The following PDE4D variants were observed in gnomAD, a reference collection of about 807,000 sequenced individuals.
PDE4D encodes the protein phosphodiesterase 4D, also known as 3',5'-cyclic-AMP phosphodiesterase 4D.
Under a neutral mutation model 87.4 loss-of-function variants are expected in PDE4D, and 24 were observed. That is an observed-to-expected ratio of 0.27 (90% CI 0.20 to 0.39). The LOEUF is 0.39. PDE4D is among the 10% of genes least tolerant of loss of function. The pLI is 1.00. For synonymous variants in PDE4D, 384 were observed against 383.2 expected, an observed-to-expected ratio of 1.00 and a Z score of -0.02; for missense variants, 714 against 1,041.0, an observed-to-expected ratio of 0.69 and a Z score of 4.32.
chr5:59,708,843 G>T (rs894587214), intron 1 of PDE4D, among the ~76,000 whole-genome samples: 9 of 151,482 alleles, frequency 5.9e-5, no homozygotes, highest in African/African-American at 1.7e-4. Context: ...TACTTAGGAC[G>T]TGAAAGTCAC....
chr5:59,534,825 G>T (rs1265386232), intron 1 of PDE4D, among the ~76,000 whole-genome samples: 3 of 152,180 alleles, frequency 2.0e-5, no homozygotes, highest in Non-Finnish European at 4.4e-5. Context: ...AGGAAATTCT[G>T]GCAATTTCTA....
intron 5 of PDE4D, among the ~76,000 whole-genome samples, chr5:59,069,124 C>A (rs1418597539): frequency 6.6e-6 from 1 of 152,150 alleles, no homozygotes; most frequent in Non-Finnish European, 1.5e-5. Context: ...TCTAAATAAT[C>A]CGTTAGACCT....
chr5:59,949,978 TA>T (rs1021601886), intron 3 of PDE4D, among the ~76,000 whole-genome samples: 13 of 152,342 alleles, frequency 8.5e-5, no homozygotes, highest in Non-Finnish European at 1.6e-4. Flanking sequence ...AATAAGCATT[TA>T]AACCTATTTT....
At chr5:60,163,635 G>T (rs936969561) in intron 2 of PDE4D, among the ~76,000 whole-genome samples, 1 of 152,086 alleles carries the variant, frequency 6.6e-6, no homozygotes. Context: ...CTCAGTTGTA[G>T]CACTGCTCTG....
intron 1 of PDE4D, among the ~76,000 whole-genome samples, chr5:59,645,932 ACT>A (rs1450494275): frequency 2.6e-5 from 4 of 152,224 alleles, no homozygotes; most frequent in African/African-American, 7.2e-5. Flanking sequence ...TAGAGAAAAG[ACT>A]GCATTATCTT....
upstream of PDE4D, among the ~76,000 whole-genome samples, chr5:59,898,125 G>T (rs887790965): frequency 6.6e-6 from 1 of 152,136 alleles, no homozygotes; most frequent in Non-Finnish European, 1.5e-5. Flanking sequence ...ACTAAGAAAT[G>T]CTGTACTTGA....
intron 1 of PDE4D, among the ~76,000 whole-genome samples, chr5:59,819,671 C>T (rs1312829162): frequency 6.6e-6 from 1 of 152,154 alleles, no homozygotes; most frequent in African/African-American, 2.4e-5. Context: ...AATGTGATTA[C>T]ACCGTGAGTC....
At chr5:59,841,834 G>T (rs1245719080) in intron 1 of PDE4D, among the ~76,000 whole-genome samples, 1 of 152,038 alleles carries the variant, frequency 6.6e-6, no homozygotes, top group Non-Finnish European at 1.5e-5. Flanking sequence ...AGAGATTGTA[G>T]TGCAGAGAGC....
chr5:59,294,724 CTCTT>C (rs1768722975), intron 1 of PDE4D, among the ~76,000 whole-genome samples: 2 of 152,300 alleles, frequency 1.3e-5, no homozygotes, highest in African/African-American at 4.8e-5. Flanking sequence ...AAGACTGTCT[CTCTT>C]TTGTTCAATC....
intron 1 of PDE4D, among the ~76,000 whole-genome samples, chr5:60,328,760 T>C (rs79837063): frequency 6.6e-6 from 1 of 152,194 alleles, no homozygotes; most frequent in African/African-American, 2.4e-5. Flanking sequence ...CCCCAGAATA[T>C]GCCATTTTGG....
At chr5:59,009,953 C>T (rs937453525) in intron 6 of PDE4D, among the ~76,000 whole-genome samples, 1 of 152,070 alleles carries the variant, frequency 6.6e-6, no homozygotes, top group African/African-American at 2.4e-5. Context: ...CCATTATTTC[C>T]CAGAAAACAG....
intron 1 of PDE4D, among the ~76,000 whole-genome samples, chr5:60,268,749 T>C (rs552441046): frequency 1.2e-4 from 18 of 152,336 alleles, no homozygotes; most frequent in African/African-American, 4.1e-4. Flanking sequence ...TTTGTGTCTA[T>C]GGGCAGATGT....
chr5:59,876,833 T>A (rs76296302), intron 1 of PDE4D, among the ~76,000 whole-genome samples: 1,966 of 152,236 alleles, frequency 0.013, 27 homozygotes, highest in Admixed American at 0.021. Context: ...GAAGTTTTTA[T>A]CTCATAGAAA....
chr5:59,581,672 C>T (rs1824180623), intron 1 of PDE4D, among the ~76,000 whole-genome samples: 1 of 152,102 alleles, frequency 6.6e-6, no homozygotes, highest in Admixed American at 6.6e-5. Context: ...ATTGATATTA[C>T]TAATAACAAC....
intron 5 of PDE4D, among the ~76,000 whole-genome samples, chr5:59,160,619 C>G (rs1237246300): frequency 1.3e-5 from 2 of 152,146 alleles, no homozygotes; most frequent in African/African-American, 2.4e-5. Context: ...GCTGGGATTA[C>G]AGGTGTGAGG....
At chr5:59,188,719 G>A (rs374703919) in intron 3 of PDE4D, among the ~76,000 whole-genome samples, 15 of 152,202 alleles carry the variant, frequency 9.9e-5, no homozygotes, top group African/African-American at 3.1e-4. Context: ...TTTTACCTCC[G>A]GAAAAAGCTG....
At chr5:59,315,163 C>T (rs375359486) in intron 1 of PDE4D, among the ~76,000 whole-genome samples, 2 of 152,142 alleles carry the variant, frequency 1.3e-5, no homozygotes, top group African/African-American at 2.4e-5. Context: ...CACCCTTCCA[C>T]GTGTCTGCAT....
chr5:59,701,327 T>A (rs1381718934), intron 1 of PDE4D, among the ~76,000 whole-genome samples: 1 of 152,218 alleles, frequency 6.6e-6, no homozygotes, highest in African/African-American at 2.4e-5. Context: ...ACATTTTCCC[T>A]GATAATCTAC....
At chr5:59,258,029 C>G (rs1338230968) in intron 1 of PDE4D, among the ~76,000 whole-genome samples, 1 of 151,952 alleles carries the variant, frequency 6.6e-6, no homozygotes, top group Non-Finnish European at 1.5e-5. Flanking sequence ...GAAATCTATA[C>G]ATGAGTGCCA....
Sources: gnomAD v4.1 joint callset for allele counts (sites outside exome capture counted in the v4.1 genomes callset) on GRCh38, gnomAD v4.1.1 for gene constraint, MANE v1.5 for transcripts, NCBI Gene and HGNC (gene_info 2026-07-23, HGNC 2026-07-21) for gene names.